CNTN1: variants seen among roughly 807,000 people sequenced by gnomAD.
The protein encoded by CNTN1 is contactin 1, also known as contactin-1.
In CNTN1, 38 loss-of-function variants were observed where a neutral mutation model predicts 126.4. The observed-to-expected ratio is 0.30, with a 90% CI of 0.23 to 0.39. The LOEUF is 0.39. Ranked by LOEUF, CNTN1 falls within the 10% of genes least tolerant of loss-of-function variation. The pLI, the probability that CNTN1 is intolerant of heterozygous loss-of-function variation, is 1.00. For missense variants in CNTN1, 1,009 were observed against 1,248.4 expected, an observed-to-expected ratio of 0.81 and a Z score of 2.89; for synonymous variants, 413 against 422.6, an observed-to-expected ratio of 0.98 and a Z score of 0.28.
intron 1 of CNTN1, among the ~76,000 whole-genome samples, chr12:40,824,487 A>AATAT (rs1941545136): frequency 6.6e-6 from 1 of 152,210 alleles, no homozygotes; most frequent in African/African-American, 2.4e-5. Context: ...TGAGGTTGAC[A>AATAT]ATATCTCAAT....
intron 2 of CNTN1, 31 bp from the exon 3 acceptor site, chr12:40,910,042 G>A (rs1469933319): frequency 6.5e-7 from 1 of 1,548,250 alleles, no homozygotes; most frequent in Admixed American, 1.7e-5. Context: ...AATTGCTTCA[G>A]GATCAAAATT....
chr12:40,796,824 T>C (rs1426704837), intron 1 of CNTN1, among the ~76,000 whole-genome samples: 3 of 152,042 alleles, frequency 2.0e-5, no homozygotes, highest in African/African-American at 7.2e-5. Context: ...CAGGACTGTG[T>C]GTGTCTAGGA....
intron 15 of CNTN1, chr12:40,971,823 C>T: frequency 2.6e-6 from 3 of 1,141,888 alleles, no homozygotes; most frequent in Middle Eastern, 3.9e-4. Context: ...GAAATTAGCT[C>T]ATTATCTGAA....
intron 23 of CNTN1, among the ~76,000 whole-genome samples, chr12:41,066,260 G>A (rs1407153683): frequency 6.6e-6 from 1 of 152,112 alleles, no homozygotes; most frequent in East Asian, 1.9e-4. Context: ...TCATAGGAAG[G>A]TATAACCCCT....
intron 1 of CNTN1, among the ~76,000 whole-genome samples, chr12:40,881,513 G>T (rs936525293): frequency 6.6e-6 from 1 of 151,674 alleles, no homozygotes; most frequent in Non-Finnish European, 1.5e-5. Flanking sequence ...GGTTATTTTT[G>T]CATGGCACCC....
At position 40,716,733 on chromosome 12, in the gene CNTN1, C is replaced by A. The variant is rs943211764; in HGVS notation, c.-77+24141C>A. On this transcript the variant is annotated intron_variant, in intron 1 of 23. Coordinates refer to ENST00000551295, the MANE Select transcript of CNTN1 (RefSeq NM_001843.4). Reference sequence around the variant, plus strand: ...TTGAAAACCATCTGTGATCTCATTACGTAGTTACAGGGACAAGATGAGGGT... The same window carrying A: ...TTGAAAACCATCTGTGATCTCATTAAGTAGTTACAGGGACAAGATGAGGGT... 2.0e-5 allele frequency among the ~76,000 whole-genome samples: 3 copies of A among 152,132 alleles called. No homozygotes were observed. In the South Asian group the frequency reaches 6.2e-4, roughly 32 times the overall value.
intron 3 of CNTN1, among the ~76,000 whole-genome samples, chr12:40,914,720 T>G (rs1251466749): frequency 6.6e-6 from 1 of 152,170 alleles, no homozygotes; most frequent in Non-Finnish European, 1.5e-5. Flanking sequence ...CTTGAAAGCT[T>G]GCATTGTCTG....
chr12:40,848,656 T>C (rs1483726059), intron 1 of CNTN1, among the ~76,000 whole-genome samples: 2 of 152,174 alleles, frequency 1.3e-5, no homozygotes, highest in East Asian at 1.9e-4. Context: ...AATGCTCTTT[T>C]GATTTTTTTT....
At chr12:40,984,479 T>G (rs2120418320) in intron 16 of CNTN1, among the ~76,000 whole-genome samples, 1 of 152,300 alleles carries the variant, frequency 6.6e-6, no homozygotes, top group South Asian at 2.1e-4. Flanking sequence ...CAAATTGGCT[T>G]GTCACATGGT....
intron 15 of CNTN1, among the ~76,000 whole-genome samples, chr12:40,977,288 C>T (rs77189168): frequency 0.049 from 7,389 of 152,104 alleles, 274 homozygotes; most frequent in Non-Finnish European, 0.075. Context: ...GGTTTTCTCC[C>T]GCAGATGAAG....
chr12:40,976,871 C>T (rs1462657657), intron 15 of CNTN1, among the ~76,000 whole-genome samples: 1 of 152,138 alleles, frequency 6.6e-6, no homozygotes. Flanking sequence ...CACAGAGTAT[C>T]TTCACATTCC....
At chr12:40,761,586 G>T (rs1013576477) in intron 1 of CNTN1, among the ~76,000 whole-genome samples, 2 of 151,906 alleles carry the variant, frequency 1.3e-5, no homozygotes, top group Non-Finnish European at 2.9e-5. Context: ...AAAAGGTAAG[G>T]TTTTTTTAAA....
intron 1 of CNTN1, among the ~76,000 whole-genome samples, chr12:40,831,698 A>G (rs757857104): frequency 1.1e-4 from 17 of 152,044 alleles, no homozygotes; most frequent in Non-Finnish European, 2.2e-4. Context: ...CTCCATTTTC[A>G]TTGTTCATCA....
At position 40,747,020 on chromosome 12, in the gene CNTN1, G is replaced by A. The variant is rs1020798696; in HGVS notation, c.-77+54428G>A. ...GCCTGACATTCCTGGTGGGGTACGG[G>A]GAGCCCTCTCCTGCCCCACTCCTAC... On this transcript the variant is annotated intron_variant, in intron 1 of 23. Transcript: ENST00000551295. Among the ~76,000 whole-genome samples the A allele has an allele frequency of 2.6e-5, 4 of 152,092 alleles. No homozygotes were observed. The East Asian group carries it at 7.7e-4, about 29-fold the overall frequency.
intron 19 of CNTN1, among the ~76,000 whole-genome samples, chr12:41,018,314 G>C (rs1378266964): frequency 2.0e-5 from 3 of 151,928 alleles, no homozygotes; most frequent in Admixed American, 2.0e-4. Context: ...AGAGGAAATG[G>C]GCTCTATTGG....
intron 4 of CNTN1, 33 bp from the exon 5 acceptor site, chr12:40,922,223 C>T: frequency 6.2e-7 from 1 of 1,600,510 alleles, no homozygotes; most frequent in Non-Finnish European, 8.6e-7. Context: ...GTCTCATGAC[C>T]TGTGATATGA....
chr12:40,822,283 T>C (rs12811966), intron 1 of CNTN1, among the ~76,000 whole-genome samples: 1 of 150,712 alleles, frequency 6.6e-6, no homozygotes, highest in Non-Finnish European at 1.5e-5. Flanking sequence ...GCCTCCTGAG[T>C]AGCTGGGATT....
chr12:40,712,895 C>G (rs1254570899), intron 1 of CNTN1, among the ~76,000 whole-genome samples: 2 of 151,986 alleles, frequency 1.3e-5, no homozygotes, highest in East Asian at 3.9e-4. Context: ...GGGAGGATCC[C>G]TCATGAACGG....
chr12:41,032,386 A>G lies in CNTN1; in HGVS notation c.2980+3167A>G, dbSNP rs555837260. ...CCGTCTCAAAAAAAAAAAAAAAAGA[A>G]AAAGAAAAAAAAGAAAGAAAGATGG... On this transcript the variant is annotated intron_variant, in intron 23 of 23. Coordinates refer to ENST00000551295, the MANE Select transcript of CNTN1 (RefSeq NM_001843.4). Among the ~76,000 whole-genome samples the G allele has an allele frequency of 9.3e-4, 80 of 86,230 alleles. 2 individuals are homozygous for G. Among genetic ancestry groups the G allele is most frequent in the African/African-American group, 4.9e-3 (59 of 11,926 alleles). The allele number at this position is 86,230 out of a possible 152,430, so 56.6% of individuals were successfully genotyped here.
Sources: allele counts gnomAD v4.1 joint callset (sites outside exome capture counted in the v4.1 genomes callset), GRCh38; gene constraint gnomAD v4.1.1; transcripts MANE v1.5; gene names NCBI Gene and HGNC (gene_info 2026-07-23, HGNC 2026-07-21).